HMX3: variants seen among roughly 807,000 people sequenced by gnomAD.
HMX3 encodes homeobox protein HMX3.
HMX3 carries 8 observed loss-of-function variants against 22.8 expected under a neutral mutation model. That is an observed-to-expected ratio of 0.35 (90% CI 0.21 to 0.63). The LOEUF is 0.63. Ranked by LOEUF, HMX3 falls within the 30% of genes least tolerant of loss-of-function variation. The pLI, the probability that HMX3 is intolerant of heterozygous loss-of-function variation, is 0.72. For missense variants in HMX3, 527 were observed against 520.6 expected, an observed-to-expected ratio of 1.01 and a Z score of -0.12; for synonymous variants, 331 against 250.9, an observed-to-expected ratio of 1.32 and a Z score of -3.02.
In HMX3 at chr10:123,137,618, G is replaced by T. The variant is rs1414121043; in HGVS notation, c.961G>T (p.Ala321Ser). 3 of 1,551,944 alleles carry T rather than the reference G, an allele frequency of 1.9e-6. No individual in the cohort carries two copies. In the South Asian group the frequency reaches 3.6e-5, roughly 19 times the overall value. Reference sequence around the variant, plus strand: ...GAACTCGGCGGCCGAGGGCGCGGCGGCTGCAGCCGCGGGGGCCCCGGTGCC... The same window carrying T: ...GAACTCGGCGGCCGAGGGCGCGGCGTCTGCAGCCGCGGGGGCCCCGGTGCC... ...HENSAAEGAA[A>S]AAAGAPVPVS... The change falls in exon 2 of 2, where the codon GCT (alanine) becomes TCT (serine). Residue 321 changes from alanine (A) to serine (S), a missense_variant. Around this residue, in one of 3 missense-constraint regions of HMX3, gnomAD observed 100 missense variants for 102.3 expected, o/e 0.98. Transcript: ENST00000357878. This position sits in a 1 kb window ranked among gnomAD's most constrained non-coding sequence, Gnocchi z 5.8.
At position 123,138,624 on chromosome 10, in the gene HMX3, G is replaced by T. The variant is rs1033356262; in HGVS notation, c.*893G>T. 5.3e-5 allele frequency among the ~76,000 whole-genome samples: 8 copies of T among 152,244 alleles called. No individual in the cohort carries two copies. The highest frequency in any genetic ancestry group is 1.7e-4 in the African/African-American group (7 of 41,542). The stretch of plus-strand genomic sequence containing the variant: ...TCTCATAAGAATCCCGACTCAGGCC[G>T]CTTTTCTCTTCTGGAGAGGTCTGTT... On this transcript the variant is annotated 3_prime_UTR_variant, in exon 2 of 2. Coordinates refer to ENST00000357878, the MANE Select transcript of HMX3 (RefSeq NM_001105574.2).
At position 123,136,266 on chromosome 10, in the gene HMX3, G is replaced by C; in HGVS notation, c.216G>C (p.Ala72=). ...AAAAAAAAAA[A]AKGALEGAAG... ...CCGCCGCCGCTGCCGCTGCCGCGGCGGCCAAGGGGGCCCTGGAGGGCGCCG... is the reference window on the plus strand; with the variant it reads ...CCGCCGCCGCTGCCGCTGCCGCGGCCGCCAAGGGGGCCCTGGAGGGCGCCG... The change falls in exon 1 of 2, where the codon GCG becomes GCC. Residue 72 remains alanine (A), a synonymous_variant. Transcript: ENST00000357878. The surrounding 1 kb of genome is among the most constrained non-coding windows in gnomAD (Gnocchi z 4.8). 7.2e-7 allele frequency: 1 copy of C among 1,389,732 alleles called. No individual in the cohort carries two copies. The highest frequency in any genetic ancestry group is 3.4e-5 in the Admixed American group (1 of 29,254). The allele number at this position is 1,389,732 out of a possible 1,614,324, so 86.1% of individuals were successfully genotyped here.
rs1435189378 is a variant in HMX3 at position 123,136,744 on chromosome 10, G to T, written c.400+294G>T. 6.6e-6 allele frequency among the ~76,000 whole-genome samples: 1 copy of T among 152,174 alleles called. No individual in the cohort carries two copies. Among genetic ancestry groups the T allele is most frequent in the Non-Finnish European group, 1.5e-5 (1 of 68,034 alleles). On this transcript the variant is annotated intron_variant, in intron 1 of 1. Transcript: ENST00000357878. This position sits in a 1 kb window ranked among gnomAD's most constrained non-coding sequence, Gnocchi z 4.8. ...CCGGGGCTTGGGACACGGCCTGGAA[G>T]GAGGGGGTGATTCCAATGCGCCTAA...
At position 123,138,744 on chromosome 10, in the gene HMX3, T is replaced by C. The variant is rs12243192; in HGVS notation, c.*1013T>C. ...GCCAAAAATCAGAACTCTGACTATT[T>C]GAAACAGCTCCATATCTGGCCTGGT... On this transcript the variant is annotated 3_prime_UTR_variant, in exon 2 of 2. Transcript: ENST00000357878. Among the ~76,000 whole-genome samples the C allele has an allele frequency of 0.48, 72,835 of 152,078 alleles. 17,958 individuals are homozygous for C. Among genetic ancestry groups the C allele is most frequent in the Middle Eastern group, 0.59 (174 of 294 alleles).
At position 123,137,769 on chromosome 10, in the gene HMX3, T is replaced by G; in HGVS notation, c.*38T>G. 1 of 1,375,972 alleles carries G rather than the reference T, an allele frequency of 7.3e-7. No homozygotes were observed. The highest frequency in any genetic ancestry group is 1.5e-5 in the African/African-American group (1 of 65,782). 85.2% of individuals were successfully genotyped at this position (1,375,972 alleles called of 1,614,324 possible). A position where few individuals can be genotyped will look rare whatever the true frequency, so the allele number is the denominator to read the frequency against. ...GTGGGGGAGGGAGCGCCCGGCCTCC[T>G]TGTCCGGACCCCGGAGGAGACTGGG... On this transcript the variant is annotated 3_prime_UTR_variant, in exon 2 of 2. Coordinates refer to ENST00000357878, the MANE Select transcript of HMX3 (RefSeq NM_001105574.2). The surrounding 1 kb of genome is among the most constrained non-coding windows in gnomAD (Gnocchi z 5.8).
rs1238233012 is a variant in HMX3 at position 123,136,943 on chromosome 10, C to T, written c.401-115C>T. ...GCAGCCCGCGGGAATGGTGAGGCCT[C>T]ATGGCCTGGGACCTGGAGGCCGGCG... is the stretch of plus-strand genomic sequence containing the variant. On this transcript the variant is annotated intron_variant, in intron 1 of 1. Coordinates refer to ENST00000357878, the MANE Select transcript of HMX3 (RefSeq NM_001105574.2). The surrounding 1 kb of genome is among the most constrained non-coding windows in gnomAD (Gnocchi z 4.8). 13 of 1,279,196 alleles carry T rather than the reference C, an allele frequency of 1.0e-5. No homozygotes were observed. The highest frequency in any genetic ancestry group is 1.2e-5 in the Non-Finnish European group (11 of 950,112). The allele number at this position is 1,279,196 out of a possible 1,614,324, so 79.2% of individuals were successfully genotyped here. A position where few individuals can be genotyped will look rare whatever the true frequency, so the allele number is the denominator to read the frequency against.
rs1844102918 is a variant in HMX3, at chr10:123,138,465, A to G, written c.*734A>G. ...GCCCGGCCTAGTTTATTCCTTTTCTATAGAACTGTTTTCAGAATCCAGAGA... is the reference window on the plus strand; with the variant it reads ...GCCCGGCCTAGTTTATTCCTTTTCTGTAGAACTGTTTTCAGAATCCAGAGA... On this transcript the variant is annotated 3_prime_UTR_variant, in exon 2 of 2. Coordinates refer to ENST00000357878, the MANE Select transcript of HMX3 (RefSeq NM_001105574.2). Among the ~76,000 whole-genome samples, 1 of 152,158 alleles carries G rather than the reference A, an allele frequency of 6.6e-6. No homozygotes were observed. The highest frequency in any genetic ancestry group is 6.5e-5 in the Admixed American group (1 of 15,276).
In HMX3 at chr10:123,137,744, G is replaced by T; in HGVS notation, c.*13G>T. ...ACGGCCGGTCTGAGGCCCCAGAGGG[G>T]TGGGGGAGGGAGCGCCCGGCCTCCT... On this transcript the variant is annotated 3_prime_UTR_variant, in exon 2 of 2. Coordinates refer to ENST00000357878, the MANE Select transcript of HMX3 (RefSeq NM_001105574.2). The surrounding 1 kb of genome is among the most constrained non-coding windows in gnomAD (Gnocchi z 5.8). 7.1e-7 allele frequency: 1 copy of T among 1,418,256 alleles called. No individual in the cohort carries two copies. The allele number at this position is 1,418,256 out of a possible 1,614,324, so 87.9% of individuals were successfully genotyped here.
Position 123,138,161 on chromosome 10 carries a change from TC to T in HMX3, c.*432del, listed in dbSNP as rs869249986. ...ATTCTTTTCTGCTTTTTTTTTTTTTTCCGAGACGGAATCTTGCTCTATCTAT... is the reference window on the plus strand; with the variant it reads ...ATTCTTTTCTGCTTTTTTTTTTTTTTCGAGACGGAATCTTGCTCTATCTAT... On this transcript the variant is annotated 3_prime_UTR_variant, in exon 2 of 2. Transcript: ENST00000357878. Among the ~76,000 whole-genome samples, 202 of 146,918 alleles carry T rather than the reference TC, an allele frequency of 1.4e-3. 7 individuals carry two copies. The highest frequency in any genetic ancestry group is 3.9e-3 in the African/African-American group (157 of 39,766).
chr10:123,136,245 CGCCGCT>C lies in HMX3; in HGVS notation c.207_212del (p.Ala72_Ala73del), dbSNP rs773924704. Reference sequence around the variant, plus strand: ...CGCCAGCCTCGGCTGCCGCCGCCGCCGCCGCTGCCGCTGCCGCGGCGGCCAAGGGGG... The same window carrying C: ...CGCCAGCCTCGGCTGCCGCCGCCGCCGCCGCTGCCGCGGCGGCCAAGGGGG... On this transcript the variant is annotated inframe_deletion, in exon 1 of 2. Coordinates refer to ENST00000357878, the MANE Select transcript of HMX3 (RefSeq NM_001105574.2). This position sits in a 1 kb window ranked among gnomAD's most constrained non-coding sequence, Gnocchi z 4.8. 68 of 1,345,020 alleles carry C rather than the reference CGCCGCT, an allele frequency of 5.1e-5. 1 individual carries two copies. Among genetic ancestry groups the C allele is most frequent in the Non-Finnish European group, 4.8e-6 (5 of 1,051,790 alleles). 83.3% of individuals were successfully genotyped at this position (1,345,020 alleles called of 1,614,324 possible).
chr10:123,136,701 T>C lies in HMX3; in HGVS notation c.400+251T>C, dbSNP rs1482805485. ...CGGGAAAAGTGGCCTCGGGCGTGAATAGGGAGGCTTCGGACGGCCGGGGCT... is the reference window on the plus strand; with the variant it reads ...CGGGAAAAGTGGCCTCGGGCGTGAACAGGGAGGCTTCGGACGGCCGGGGCT... On this transcript the variant is annotated intron_variant, in intron 1 of 1. Transcript: ENST00000357878. This position sits in a 1 kb window ranked among gnomAD's most constrained non-coding sequence, Gnocchi z 4.8. 6.6e-6 allele frequency among the ~76,000 whole-genome samples: 1 copy of C among 151,814 alleles called. No individual in the cohort carries two copies.
Position 123,138,125 on chromosome 10 carries a change from C to T in HMX3, c.*394C>T, listed in dbSNP as rs909878876. On this transcript the variant is annotated 3_prime_UTR_variant, in exon 2 of 2. Transcript: ENST00000357878. ...AGGAAAATAAGCGCAAAACCTAAAT[C>T]CCTCTAGTTTATTCTTTTCTGCTTT... Among the ~76,000 whole-genome samples the T allele has an allele frequency of 7.4e-5, 11 of 149,296 alleles. No individual in the cohort carries two copies. The highest frequency in any genetic ancestry group is 1.6e-4 in the Non-Finnish European group (11 of 67,666).
chr10:123,136,076 C>T lies in HMX3; in HGVS notation c.26C>T (p.Ala9Val). 7.1e-7 allele frequency: 1 copy of T among 1,400,400 alleles called. No homozygotes were observed. Among genetic ancestry groups the T allele is most frequent in the South Asian group, 1.6e-5 (1 of 60,784 alleles). 86.7% of individuals were successfully genotyped at this position (1,400,400 alleles called of 1,614,324 possible). The change falls in exon 1 of 2, where the codon GCC (alanine) becomes GTC (valine). Residue 9 changes from alanine (A) to valine (V), a missense_variant. Physicochemically the swap from Ala to Val is moderately conservative, Grantham distance 64 (BLOSUM62 0). This residue lies in a region of HMX3 where 386 missense variants were observed against 337.8 expected (regional missense o/e 1.14). Transcript: ENST00000357878. This position sits in a 1 kb window ranked among gnomAD's most constrained non-coding sequence, Gnocchi z 4.8. Reference protein sequence around the residue: MPEPGPDAAGTASAQPQPP... With the variant: MPEPGPDAVGTASAQPQPP... Reference sequence around the variant, plus strand: ...ATGCCGGAACCCGGGCCGGACGCTGCCGGCACCGCCAGCGCACAGCCCCAA... The same window carrying T: ...ATGCCGGAACCCGGGCCGGACGCTGTCGGCACCGCCAGCGCACAGCCCCAA...
chr10:123,137,406 G>A lies in HMX3; in HGVS notation c.749G>A (p.Arg250His). Residue 250 changes from arginine (R) to histidine (H), a missense_variant, in exon 2 of 2, where the codon CGC (arginine) becomes CAC (histidine). Coordinates refer to ENST00000357878, the MANE Select transcript of HMX3 (RefSeq NM_001105574.2). This position sits in a 1 kb window ranked among gnomAD's most constrained non-coding sequence, Gnocchi z 5.8. ...FQLESTFDMK[R>H]YLSSSERAGL... is the part of the protein sequence containing the mutation. ...CTCGAGTCCACCTTCGACATGAAGC[G>A]CTATCTGAGCAGCTCGGAGCGAGCC... 2.5e-6 allele frequency: 4 copies of A among 1,613,504 alleles called. No homozygotes were observed. The highest frequency in any genetic ancestry group is 3.4e-6 in the Non-Finnish European group (4 of 1,179,958).
chr10:123,139,355 A>AC lies in HMX3; in HGVS notation c.*1627dup, dbSNP rs398038150. Among the ~76,000 whole-genome samples the AC allele has an allele frequency of 1.6e-3, 247 of 151,954 alleles. 2 individuals are homozygous for AC. The highest frequency in any genetic ancestry group is 5.6e-3 in the African/African-American group (231 of 41,428). On this transcript the variant is annotated 3_prime_UTR_variant, in exon 2 of 2. Coordinates refer to ENST00000357878, the MANE Select transcript of HMX3 (RefSeq NM_001105574.2). ...TTTTTAAGAAAAAGAGAAAAAAAAA[A>AC]CCCACAAAATATTGTTACACTAATG...
rs201882443 is a variant in HMX3 at position 123,137,111 on chromosome 10, G to T, written c.454G>T (p.Asp152Tyr). Residue 152 changes from aspartate (D) to tyrosine (Y), a missense_variant, in exon 2 of 2, where the codon GAC becomes TAC. By Grantham distance (160) the Asp-to-Tyr change is radical. This residue lies in a region of HMX3 where 386 missense variants were observed against 337.8 expected (regional missense o/e 1.14). Coordinates refer to ENST00000357878, the MANE Select transcript of HMX3 (RefSeq NM_001105574.2). The surrounding 1 kb of genome is among the most constrained non-coding windows in gnomAD (Gnocchi z 5.8). ...CTCCCCCGCCTCCGGCACAGACCGC[G>T]ACTCTCCGGAGCCACTGCTCAAGGC... ...DSSPASGTDR[D>Y]SPEPLLKADP... is the part of the protein sequence containing the mutation. 4 of 1,610,800 alleles carry T rather than the reference G, an allele frequency of 2.5e-6. No individual in the cohort carries two copies. The highest frequency in any genetic ancestry group is 3.4e-6 in the Non-Finnish European group (4 of 1,179,008).
At position 123,139,302 on chromosome 10, in the gene HMX3, T is replaced by A. The variant is rs2133551132; in HGVS notation, c.*1571T>A. On this transcript the variant is annotated 3_prime_UTR_variant, in exon 2 of 2. Transcript: ENST00000357878. ...CTGTGATAGTTTGTTTCCCCTCATCTCCCTCACCTCTGCCTGGGTTGAGTC... is the reference window on the plus strand; with the variant it reads ...CTGTGATAGTTTGTTTCCCCTCATCACCCTCACCTCTGCCTGGGTTGAGTC... 1.3e-5 allele frequency among the ~76,000 whole-genome samples: 2 copies of A among 150,906 alleles called. 1 individual carries two copies. Among genetic ancestry groups the A allele is most frequent in the South Asian group, 4.2e-4 (2 of 4,768 alleles).
In HMX3 at chr10:123,137,137, C is replaced by T; in HGVS notation, c.480C>T (p.Ala160=). ...DRDSPEPLLK[A]DPDHKELDSK... ...ACTCTCCGGAGCCACTGCTCAAGGC[C>T]GACCCCGATCACAAGGAGCTGGACT... The change falls in exon 2 of 2, where the codon GCC becomes GCT. Residue 160 remains alanine, a synonymous_variant. Coordinates refer to ENST00000357878, the MANE Select transcript of HMX3 (RefSeq NM_001105574.2). This position sits in a 1 kb window ranked among gnomAD's most constrained non-coding sequence, Gnocchi z 5.8. The T allele has an allele frequency of 6.2e-7, 1 of 1,608,826 alleles. No individual in the cohort carries two copies. Among genetic ancestry groups the T allele is most frequent in the Non-Finnish European group, 8.5e-7 (1 of 1,177,858 alleles).
rs1844090413 is a variant in HMX3, at chr10:123,137,450, C to T, written c.793C>T (p.His265Tyr). The T allele has an allele frequency of 6.2e-7, 1 of 1,613,244 alleles. No individual in the cohort carries two copies. Among genetic ancestry groups the T allele is most frequent in the African/African-American group, 1.3e-5 (1 of 74,930 alleles). ...SERAGLAASL[H>Y]LTETQVKIWF... Reference sequence around the variant, plus strand: ...GCGAGCCGGCCTGGCCGCGTCCCTGCACCTCACCGAGACGCAGGTCAAGAT... The same window carrying T: ...GCGAGCCGGCCTGGCCGCGTCCCTGTACCTCACCGAGACGCAGGTCAAGAT... Residue 265 changes from histidine (H) to tyrosine (Y), a missense_variant, in exon 2 of 2, where the codon CAC (histidine) becomes TAC (tyrosine). By Grantham distance (83) the His-to-Tyr change is moderately conservative. Coordinates refer to ENST00000357878, the MANE Select transcript of HMX3 (RefSeq NM_001105574.2). This position sits in a 1 kb window ranked among gnomAD's most constrained non-coding sequence, Gnocchi z 5.8.
Sources: gnomAD v4.1 joint callset for allele counts (sites outside exome capture counted in the v4.1 genomes callset) on GRCh38, gnomAD v4.1.1 for gene constraint, gnomAD v4.1.1 regional missense constraint, Gnocchi (gnomAD v3.1) non-coding constraint, MANE v1.5 for transcripts, NCBI Gene and HGNC (gene_info 2026-07-23, HGNC 2026-07-21) for gene names.